The following GK5 variants were observed in gnomAD, a reference collection of about 807,000 sequenced individuals.
GK5 encodes ATP:glycerol 3-phosphotransferase 5.
A neutral mutation model predicts 77.3 loss-of-function variants in GK5; 39 were observed. The observed-to-expected ratio is 0.50, with a 90% CI of 0.39 to 0.66. The LOEUF (loss-of-function observed/expected upper bound fraction) is 0.66. GK5 is among the 30% of genes least tolerant of loss of function. The pLI is 0.00. For synonymous variants in GK5, 211 were observed against 208.0 expected (o/e 1.01, Z -0.13); for missense variants, 487 against 633.8 (o/e 0.77, Z 2.49).
intron 9 of GK5, among the ~76,000 whole-genome samples, chr3:142,183,876 A>C (rs1175538093): frequency 6.6e-6 from 1 of 152,052 alleles, no homozygotes; most frequent in Admixed American, 6.6e-5. Context: ...TGGGATTACA[A>C]GCATGAACCA....
At chr3:142,198,397 G>A (rs1189384754) in intron 5 of GK5, among the ~76,000 whole-genome samples, 2 of 152,064 alleles carry the variant, frequency 1.3e-5, no homozygotes, top group South Asian at 2.1e-4. Context: ...TGGATCACCT[G>A]AGGTCAGGAG....
chr3:142,172,705 G>A (rs1429115532), intron 12 of GK5, among the ~76,000 whole-genome samples: 1 of 152,184 alleles, frequency 6.6e-6, no homozygotes, highest in Admixed American at 6.5e-5. Context: ...GAAGCATATA[G>A]TAACAAATTA....
At chr3:142,172,863 T>C (rs2063557250) in intron 12 of GK5, among the ~76,000 whole-genome samples, 1 of 152,222 alleles carries the variant, frequency 6.6e-6, no homozygotes, top group Non-Finnish European at 1.5e-5. Context: ...TACAAAAATG[T>C]ACTTTTTAGT....
At chr3:142,182,777 A>G (rs1409484513) in intron 10 of GK5, 146 bp downstream of exon 10, 1 of 542,590 alleles carries the variant, frequency 1.8e-6, no homozygotes, top group Non-Finnish European at 3.1e-6. Flanking sequence ...GGGAAAAGAA[A>G]GGGAAATGAT....
At chr3:142,204,663 A>G in intron 4 of GK5, 32 bp downstream of exon 4, 1 of 1,205,192 alleles carries the variant, frequency 8.3e-7, no homozygotes, top group Non-Finnish European at 1.2e-6. Flanking sequence ...AAAAAAACCA[A>G]CAATATCCAA....
chr3:142,170,348 G>A lies in GK5; in HGVS notation c.1418C>T (p.Ala473Val). 6.2e-7 allele frequency: 1 copy of A among 1,614,042 alleles called. No homozygotes were observed. The highest frequency in any genetic ancestry group is 8.5e-7 in the Non-Finnish European group (1 of 1,179,978). The change falls in exon 15 of 16, where the codon GCT becomes GTT. Residue 473 changes from alanine (A) to valine (V), a missense_variant. Physicochemically the swap from Ala to Val is moderately conservative, Grantham distance 64. Around this residue, in one of 4 missense-constraint regions of GK5, gnomAD observed 65 missense variants for 89.9 expected, o/e 0.72. Transcript: ENST00000392993. ...ACCAACAGCAAGGCCAGCTAGAGAA[G>A]CTGCACCCAGGCATGACATGTCAAT... ...ADIDMSCLGA[A>V]SLAGLAVGFW...
At chr3:142,188,207 G>C (rs998330128) in intron 5 of GK5, among the ~76,000 whole-genome samples, 26 of 152,068 alleles carry the variant, frequency 1.7e-4, no homozygotes, top group African/African-American at 6.0e-4. Context: ...GACCAGCCTA[G>C]CCAACATGGT....
At chr3:142,188,521 G>A (rs188647613) in intron 5 of GK5, among the ~76,000 whole-genome samples, 1 of 152,242 alleles carries the variant, frequency 6.6e-6, no homozygotes, top group Non-Finnish European at 1.5e-5. Flanking sequence ...GCGAGACTCC[G>A]TCTCAAAAAC....
intron 5 of GK5, among the ~76,000 whole-genome samples, chr3:142,192,591 C>A (rs990268344): frequency 6.6e-6 from 1 of 151,914 alleles, no homozygotes; most frequent in Non-Finnish European, 1.5e-5. Context: ...TGATGAAATC[C>A]CGTCTCTACT....
At chr3:142,186,769 T>G (rs6801532) in intron 6 of GK5, among the ~76,000 whole-genome samples, 38,318 of 151,762 alleles carry the variant, frequency 0.25, 6,019 homozygotes, top group African/African-American at 0.46. Context: ...TAGCTGGGAT[T>G]AGAGGCATGT....
intron 15 of GK5, among the ~76,000 whole-genome samples, chr3:142,170,002 G>A (rs762503569): frequency 7.2e-5 from 11 of 152,048 alleles, no homozygotes; most frequent in Non-Finnish European, 1.5e-4. Flanking sequence ...AAGTGTCACT[G>A]AATAATTTTT....
chr3:142,190,301 G>A (rs1386667879), intron 5 of GK5, among the ~76,000 whole-genome samples: 1 of 152,098 alleles, frequency 6.6e-6, no homozygotes, highest in Non-Finnish European at 1.5e-5. Context: ...AAATGTACAA[G>A]AGGGGACTCC....
intron 5 of GK5, among the ~76,000 whole-genome samples, chr3:142,194,826 T>A: frequency 6.6e-6 from 1 of 150,966 alleles, no homozygotes. Context: ...ATCATAGAGA[T>A]AGTTTTACTC....
intron 6 of GK5, 99 bp downstream of exon 6, chr3:142,187,604 CA>C (rs57206350): frequency 0.26 from 162,572 of 631,068 alleles, 573 homozygotes; most frequent in South Asian, 0.28. Context: ...GACCCTAGCT[CA>C]AAAAAAAAAA....
chr3:142,171,532 C>A, intron 13 of GK5, 54 bp from the exon 14 acceptor site: 2 of 1,127,424 alleles, frequency 1.8e-6, no homozygotes, highest in Non-Finnish European at 1.2e-6. Context: ...TAATAATTCA[C>A]TACTTTATTC....
chr3:142,176,724 G>GCAT (rs1248245315), intron 12 of GK5, among the ~76,000 whole-genome samples: 1 of 94,326 alleles, frequency 1.1e-5, no homozygotes, highest in Admixed American at 9.7e-5. Flanking sequence ...GAGTGCAGTG[G>GCAT]CATCTCGGCT....
chr3:142,196,717 G>A (rs1045871894), intron 5 of GK5, among the ~76,000 whole-genome samples: 2 of 152,136 alleles, frequency 1.3e-5, no homozygotes, highest in African/African-American at 4.8e-5. Context: ...ATTGAGGCTT[G>A]TAGTATGGCC....
intron 15 of GK5, 157 bp downstream of exon 15, chr3:142,170,168 C>T: frequency 1.3e-6 from 1 of 796,128 alleles, no homozygotes. Flanking sequence ...CAGAGGAGGT[C>T]ACAGGATATT....
In GK5 at chr3:142,185,968, A is replaced by C; in HGVS notation, c.777T>G (p.Asp259Glu). The change falls in exon 9 of 16, where the codon GAT (aspartate) becomes GAG (glutamate). Residue 259 changes from aspartate (D) to glutamate (E), a missense_variant. This residue lies in a region of GK5 where 323 missense variants were observed against 437.4 expected (regional missense o/e 0.74). Coordinates refer to ENST00000392993, the MANE Select transcript of GK5 (RefSeq NM_001039547.3). ...RDTSHNFGSV[D>E]EEIFGVPIPI... ...GTATAGGCACACCAAATATCTCTTC[A>C]TCCACTGATCCAAAATTGTGGCTTC... The C allele has an allele frequency of 6.2e-7, 1 of 1,608,792 alleles. No individual in the cohort carries two copies. Among genetic ancestry groups the C allele is most frequent in the South Asian group, 1.1e-5 (1 of 89,984 alleles).
Sources: allele counts gnomAD v4.1 joint callset (sites outside exome capture counted in the v4.1 genomes callset), GRCh38; gene constraint gnomAD v4.1.1; regional missense constraint gnomAD v4.1.1; transcripts MANE v1.5; gene names NCBI Gene and HGNC (gene_info 2026-07-23, HGNC 2026-07-21).